The following BRD1 variants were observed in gnomAD, a reference collection of about 807,000 sequenced individuals.
The protein encoded by BRD1 is bromodomain-containing protein 1.
Under a neutral mutation model 107.7 loss-of-function variants are expected in BRD1, and 24 were observed. That is an observed-to-expected ratio of 0.22 (90% CI 0.16 to 0.31). The LOEUF is 0.31. BRD1 is among the 10% of genes least tolerant of loss of function. The pLI is 1.00. For synonymous variants in BRD1, 744 were observed against 686.1 expected, an observed-to-expected ratio of 1.08 and a Z score of -1.32; for missense variants, 1,279 against 1,638.6, an observed-to-expected ratio of 0.78 and a Z score of 3.79.
intron 2 of BRD1, among the ~76,000 whole-genome samples, chr22:49,819,316 G>C (rs1188609959): frequency 6.6e-6 from 1 of 151,820 alleles, no homozygotes; most frequent in Non-Finnish European, 1.5e-5. Context: ...GTAAGGCCAG[G>C]CATGGTGGCT....
At chr22:49,826,690 G>A (rs2060151677) in intron 1 of BRD1, among the ~76,000 whole-genome samples, 1 of 152,212 alleles carries the variant, frequency 6.6e-6, no homozygotes, top group Non-Finnish European at 1.5e-5. Context: ...CAGCACTCGG[G>A]ACGGCGCTGG....
intron 6 of BRD1, among the ~76,000 whole-genome samples, chr22:49,795,601 G>A (rs1328718544): frequency 6.6e-6 from 1 of 152,256 alleles, no homozygotes; most frequent in Non-Finnish European, 1.5e-5. Flanking sequence ...GGCAAAGGAG[G>A]CTCCGGGCTG....
chr22:49,819,187 G>A (rs958356908), intron 2 of BRD1, among the ~76,000 whole-genome samples: 2 of 152,166 alleles, frequency 1.3e-5, no homozygotes, highest in African/African-American at 4.8e-5. Context: ...TTGAACCTGG[G>A]AGGTGGAGGC....
At chr22:49,790,075 G>A (rs767893397) in intron 7 of BRD1, among the ~76,000 whole-genome samples, 2 of 152,206 alleles carry the variant, frequency 1.3e-5, no homozygotes, top group Non-Finnish European at 2.9e-5. Context: ...ATGCGTTCCT[G>A]CAGCACTGAC....
chr22:49,782,422 C>T (rs1201773979), intron 8 of BRD1, among the ~76,000 whole-genome samples: 1 of 150,486 alleles, frequency 6.6e-6, no homozygotes, highest in South Asian at 2.1e-4. Flanking sequence ...GACCCAAGGC[C>T]CAGGCCAGAT....
chr22:49,824,452 C>T lies in BRD1; in HGVS notation c.-14-121G>A, dbSNP rs2060124638. On this transcript the variant is annotated intron_variant, in intron 1 of 12. Transcript: ENST00000404760. The surrounding 1 kb of genome is among the most constrained non-coding windows in gnomAD (Gnocchi z 5.9). ...CTCAAAGCCCAATCAAAGCAAAACT[C>T]ACAGCTAACCTCTTTCCAAGGTGTC... The T allele has an allele frequency of 7.5e-6, 11 of 1,464,280 alleles. No individual in the cohort carries two copies. The allele number at this position is 1,464,280 out of a possible 1,614,324, so 90.7% of individuals were successfully genotyped here. A position where few individuals can be genotyped will look rare whatever the true frequency, so the allele number is the denominator to read the frequency against.
intron 2 of BRD1, among the ~76,000 whole-genome samples, chr22:49,813,902 G>A (rs1010453969): frequency 5.9e-5 from 9 of 152,186 alleles, no homozygotes; most frequent in Middle Eastern, 3.4e-3. Context: ...GAGTGGGGAC[G>A]AGTTTCTTCA....
At chr22:49,798,460 G>C in intron 5 of BRD1, 98 bp downstream of exon 5, 8 of 1,555,282 alleles carry the variant, frequency 5.1e-6, no homozygotes, top group Non-Finnish European at 6.2e-6. Flanking sequence ...AAGAACACAA[G>C]GGATGTACTC....
chr22:49,815,198 CAG>C (rs374853142), intron 2 of BRD1, among the ~76,000 whole-genome samples: 14 of 152,326 alleles, frequency 9.2e-5, no homozygotes, highest in African/African-American at 2.9e-4. Flanking sequence ...TCTGAGCACT[CAG>C]AGTTTTCCCC....
At chr22:49,785,894 A>G in intron 8 of BRD1, among the ~76,000 whole-genome samples, 1 of 152,004 alleles carries the variant, frequency 6.6e-6, no homozygotes, top group East Asian at 1.9e-4. Context: ...GCCTGGTCTC[A>G]CTCCCCTCCC....
At chr22:49,817,287 G>T in intron 2 of BRD1, 1 of 189,124 alleles carries the variant, frequency 5.3e-6, no homozygotes, top group East Asian at 1.4e-4. Flanking sequence ...ATGGCACTGG[G>T]GGTGCATGAC....
intron 3 of BRD1, 54 bp from the exon 4 acceptor site, chr22:49,799,173 G>A (rs1175212400): frequency 1.8e-5 from 29 of 1,580,520 alleles, no homozygotes; most frequent in Non-Finnish European, 2.3e-5. Context: ...TTCTGCAAAA[G>A]GCCTCAGATA....
intron 11 of BRD1, 70 bp from the exon 12 acceptor site, chr22:49,775,815 A>ACCCCCCCCCC: frequency 8.8e-7 from 1 of 1,141,502 alleles, no homozygotes; most frequent in South Asian, 1.9e-5. Context: ...TGTCACTGGC[A>ACCCCCCCCCC]CCCCCCCCCG....
In BRD1 at chr22:49,818,237, G is replaced by C; in HGVS notation, c.1367+4714C>G. The C allele has an allele frequency of 2.5e-6, 3 of 1,215,642 alleles. No individual in the cohort carries two copies. In the South Asian group the frequency reaches 4.3e-5, roughly 17 times the overall value. 75.3% of individuals were successfully genotyped at this position (1,215,642 alleles called of 1,614,324 possible). A position where few individuals can be genotyped will look rare whatever the true frequency, so the allele number is the denominator to read the frequency against. On this transcript the variant is annotated intron_variant, in intron 2 of 12. Coordinates refer to ENST00000404760, the MANE Select transcript of BRD1 (RefSeq NM_001304808.3). ...AAAGCCTTGCCTATCTGAGGTTCTT[G>C]TCCGTGAGGCTGAAGTCCAGGCTCT...
At position 49,823,292 on chromosome 22, in the gene BRD1, G is replaced by A. The variant is rs1004532633; in HGVS notation, c.1026C>T (p.His342=). Residue 342 remains histidine, a synonymous_variant, in exon 2 of 13, where the codon CAC becomes CAT. Coordinates refer to ENST00000404760, the MANE Select transcript of BRD1 (RefSeq NM_001304808.3). ...GGAATGCTGTGTAGCAGTTTGCTTT[G>A]TGGCACTGGATGCAGGCACCCACGC... ...QKGVGACIQC[H]KANCYTAFHV... 3.7e-6 allele frequency: 6 copies of A among 1,614,178 alleles called. No homozygotes were observed. Among genetic ancestry groups the A allele is most frequent in the Non-Finnish European group, 5.1e-6 (6 of 1,180,040 alleles).
chr22:49,784,573 G>A (rs1023859722), intron 8 of BRD1, among the ~76,000 whole-genome samples: 4 of 152,242 alleles, frequency 2.6e-5, no homozygotes, highest in East Asian at 1.9e-4. Flanking sequence ...CAGGACCAGC[G>A]ACCCTGTTCA....
intron 12 of BRD1, among the ~76,000 whole-genome samples, chr22:49,774,985 G>A (rs2059053228): frequency 6.6e-6 from 1 of 152,262 alleles, no homozygotes; most frequent in African/African-American, 2.4e-5. Context: ...GGAAGCACCT[G>A]CCCGGGCCAC....
chr22:49,794,919 C>T (rs891313399), intron 6 of BRD1, among the ~76,000 whole-genome samples: 1 of 152,094 alleles, frequency 6.6e-6, no homozygotes, highest in African/African-American at 2.4e-5. Flanking sequence ...GCACAAATTA[C>T]CTTAAATAAG....
intron 2 of BRD1, among the ~76,000 whole-genome samples, chr22:49,818,669 CGA>C (rs1377964673): frequency 6.6e-6 from 1 of 152,090 alleles, no homozygotes; most frequent in African/African-American, 2.4e-5. Context: ...AGATGGATCA[CGA>C]GGTCAGGAAA....
Sources: gnomAD v4.1 joint callset for allele counts (sites outside exome capture counted in the v4.1 genomes callset) on GRCh38, gnomAD v4.1.1 for gene constraint, Gnocchi (gnomAD v3.1) non-coding constraint, MANE v1.5 for transcripts, NCBI Gene and HGNC (gene_info 2026-07-23, HGNC 2026-07-21) for gene names.